The following GUCY2F variants were observed in gnomAD, a reference collection of about 807,000 sequenced individuals.
GUCY2F encodes retinal guanylyl cyclase 2.
In GUCY2F, 61 loss-of-function variants were observed where a neutral mutation model predicts 73.1. The ratio of observed to expected loss-of-function variants is 0.83; its 90% confidence interval spans 0.68 to 1.03. The LOEUF (loss-of-function observed/expected upper bound fraction) is 1.03, where lower values mean the gene tolerates loss of function less well. GUCY2F is among the 50% of genes least tolerant of loss of function. The pLI, the probability that GUCY2F is intolerant of heterozygous loss-of-function variation, is 0.00. For synonymous variants in GUCY2F, 331 were observed against 307.8 expected, an observed-to-expected ratio of 1.08 and a Z score of -0.79; for missense variants, 912 against 854.3, an observed-to-expected ratio of 1.07 and a Z score of -0.84.
intron 6 of GUCY2F, among the ~76,000 whole-genome samples, chrX:109,443,308 A>AT (rs892592328): frequency 1.1e-4 from 12 of 110,387 alleles, no homozygotes; most frequent in Non-Finnish European, 1.7e-4. Flanking sequence ...AAAACAATTT[A>AT]TTTTTTTTTA....
intron 16 of GUCY2F, 46 bp downstream of exon 16, chrX:109,385,138 A>G (rs1930405778): frequency 1.6e-6 from 1 of 629,045 alleles, no homozygotes; most frequent in Middle Eastern, 3.2e-4. Context: ...CACCTTCTCA[A>G]TAGCAGAGTG....
chrX:109,388,104 T>C (rs766098767), intron 15 of GUCY2F, among the ~76,000 whole-genome samples: 2 of 109,294 alleles, frequency 1.8e-5, no homozygotes, highest in South Asian at 7.9e-4. Flanking sequence ...AGGTGGGGAG[T>C]GGATACAGAA....
intron 8 of GUCY2F, among the ~76,000 whole-genome samples, chrX:109,428,655 T>C (rs767284966): frequency 8.9e-6 from 1 of 111,880 alleles, no homozygotes; most frequent in Non-Finnish European, 1.9e-5. Flanking sequence ...GTTTAGATAA[T>C]AATATTGTAG....
At chrX:109,385,823 A>T (rs1418067142) in intron 15 of GUCY2F, among the ~76,000 whole-genome samples, 1 of 112,298 alleles carries the variant, frequency 8.9e-6, no homozygotes, top group Non-Finnish European at 1.9e-5. Context: ...GATATTTTGC[A>T]TTTAGCATTT....
intron 11 of GUCY2F, among the ~76,000 whole-genome samples, chrX:109,397,133 A>G (rs1184719046): frequency 8.9e-6 from 1 of 111,935 alleles, no homozygotes; most frequent in African/African-American, 3.2e-5. Context: ...GGATGAGGCA[A>G]GATTGGGAGG....
chrX:109,426,580 G>A (rs1052387169), intron 8 of GUCY2F, among the ~76,000 whole-genome samples: 1 of 111,400 alleles, frequency 9.0e-6, no homozygotes, highest in Non-Finnish European at 1.9e-5. Flanking sequence ...TAGTAGAGAC[G>A]GGGTTTCACC....
In GUCY2F at chrX:109,376,157, G is replaced by C. The variant is rs1345469464; in HGVS notation, c.3161C>G (p.Thr1054Arg). The change falls in exon 18 of 20, where the codon ACA becomes AGA. Residue 1054 changes from threonine to arginine, a missense_variant. Transcript: ENST00000218006. The part of the protein sequence containing the change: ...RGRTELKGKG[T>R]EETFWLIGKK... The stretch of plus-strand genomic sequence containing the variant: ...CCCAATCAGCCAGAAGGTTTCCTCT[G>C]TGCCTTTGCCCTTATTATAGAAAAC... 3.4e-6 allele frequency: 4 copies of C among 1,183,353 alleles called. No homozygotes were observed.
intron 6 of GUCY2F, among the ~76,000 whole-genome samples, chrX:109,446,902 C>T (rs1205575172): frequency 3.6e-5 from 4 of 111,854 alleles, no homozygotes; most frequent in African/African-American, 1.3e-4. Context: ...TATCCAGAAT[C>T]TACAAAGAAC....
chrX:109,475,717 C>A lies in GUCY2F; in HGVS notation c.220G>T (p.Val74Phe), dbSNP rs61731776. The part of the protein sequence containing the change: ...DSLFSKALPE[V>F]AARLAIERIN... ...CGCTCAATGGCTAATCGCGCAGCAA[C>A]CTCAGGCAGGGCCTTTGAAAACAGC... The change falls in exon 2 of 20, where the codon GTT becomes TTT. Residue 74 changes from valine (V) to phenylalanine (F), a missense_variant. Transcript: ENST00000218006. The A allele has an allele frequency of 1.7e-6, 2 of 1,211,368 alleles. No homozygotes were observed. Among genetic ancestry groups the A allele is most frequent in the East Asian group, 5.9e-5 (2 of 33,833 alleles).
rs781629047 is a variant in GUCY2F, at chrX:109,382,088, T to G, written c.3150+30A>C. The G allele has an allele frequency of 6.8e-5, 58 of 847,474 alleles. No individual in the cohort carries two copies. In the East Asian group the frequency reaches 1.8e-3, roughly 26 times the overall value. 69.8% of individuals were successfully genotyped at this position (847,474 alleles called of 1,213,427 possible). On this transcript the variant is annotated intron_variant, in intron 17 of 19. Transcript: ENST00000218006. ...TCCAGAAGCAGGTGTATCCAAGTAG[T>G]CTGGCTCAAAAAACAAAAAGACATT... is the stretch of plus-strand genomic sequence containing the variant.
intron 7 of GUCY2F, among the ~76,000 whole-genome samples, chrX:109,431,699 G>GA (rs539109461): frequency 0.29 from 23,442 of 81,787 alleles, 3,712 homozygotes; most frequent in East Asian, 0.8. Flanking sequence ...ACTCTGTCTG[G>GA]AAAAAAAAAA....
intron 17 of GUCY2F, among the ~76,000 whole-genome samples, chrX:109,380,730 T>C (rs1200061423): frequency 1.8e-5 from 2 of 111,831 alleles, no homozygotes; most frequent in Non-Finnish European, 3.8e-5. Flanking sequence ...CACCCAAAGA[T>C]GTGAGTGCTC....
chrX:109,443,068 G>A (rs191451628), intron 6 of GUCY2F, among the ~76,000 whole-genome samples: 9 of 111,584 alleles, frequency 8.1e-5, no homozygotes, highest in African/African-American at 2.0e-4. Context: ...CAGACATTCC[G>A]TTTGGATGGA....
chrX:109,413,402 A>C (rs1931159482), intron 8 of GUCY2F, among the ~76,000 whole-genome samples: 1 of 110,919 alleles, frequency 9.0e-6, no homozygotes. Context: ...CATATTTGAC[A>C]AGACACCTTT....
chrX:109,471,304 A>G (rs1183878819), intron 2 of GUCY2F, among the ~76,000 whole-genome samples: 1 of 112,460 alleles, frequency 8.9e-6, no homozygotes, highest in Non-Finnish European at 1.9e-5. Flanking sequence ...AGGGCTGATC[A>G]GCAAGAAGGC....
intron 19 of GUCY2F, 79 bp from the exon 20 acceptor site, chrX:109,373,078 C>G (rs1159259119): frequency 8.9e-6 from 1 of 112,708 alleles, no homozygotes; most frequent in Non-Finnish European, 1.9e-5. Flanking sequence ...TGAATGATTC[C>G]AAGCCCCACA....
At chrX:109,461,578 A>G (rs1792027914) in intron 3 of GUCY2F, among the ~76,000 whole-genome samples, 1 of 111,970 alleles carries the variant, frequency 8.9e-6, no homozygotes, top group Admixed American at 9.4e-5. Flanking sequence ...TCTCACTAAA[A>G]TCTAAGGTCT....
chrX:109,423,516 G>A (rs746262242), intron 8 of GUCY2F, among the ~76,000 whole-genome samples: 1 of 109,801 alleles, frequency 9.1e-6, no homozygotes, highest in East Asian at 2.8e-4. Flanking sequence ...ATTGTTGAAG[G>A]TGAGTTTTGG....
intron 8 of GUCY2F, among the ~76,000 whole-genome samples, chrX:109,413,920 T>C (rs1290787103): frequency 9.0e-6 from 1 of 110,997 alleles, no homozygotes; most frequent in African/African-American, 3.3e-5. Flanking sequence ...CAGCAATTGC[T>C]GTCTATTTTG....
Sources: gnomAD v4.1 joint callset for allele counts (sites outside exome capture counted in the v4.1 genomes callset) on GRCh38, gnomAD v4.1.1 for gene constraint, MANE v1.5 for transcripts, NCBI Gene and HGNC (gene_info 2026-07-23, HGNC 2026-07-21) for gene names.